The following CNTNAP5 variants were observed in gnomAD, a reference collection of about 807,000 sequenced individuals.
CNTNAP5 encodes the protein contactin-associated protein-like 5.
CNTNAP5 carries 72 observed loss-of-function variants against 150.2 expected under a neutral mutation model. That is an observed-to-expected ratio of 0.48 (90% CI 0.40 to 0.58). The LOEUF (loss-of-function observed/expected upper bound fraction) is 0.58, where lower values mean the gene tolerates loss of function less well. Ranked by LOEUF, CNTNAP5 falls within the 20% of genes least tolerant of loss-of-function variation. The pLI is 0.00. For missense variants in CNTNAP5, 1,636 were observed against 1,626.2 expected, an observed-to-expected ratio of 1.01 and a Z score of -0.10; for synonymous variants, 672 against 619.8, an observed-to-expected ratio of 1.08 and a Z score of -1.25.
chr2:124,057,633 G>A (rs1287771205), intron 1 of CNTNAP5, among the ~76,000 whole-genome samples: 1 of 151,466 alleles, frequency 6.6e-6, no homozygotes, highest in Non-Finnish European at 1.5e-5. Context: ...TTCTTACCCA[G>A]GTTGTGGAAA....
rs760130259 is a variant in CNTNAP5 at position 124,112,403 on chromosome 2, G to T, written c.82+86671G>T. On this transcript the variant is annotated intron_variant, in intron 1 of 23. Transcript: ENST00000682447. The stretch of plus-strand genomic sequence containing the variant: ...TTCTGGCCTCCTGCCTTGCTTGAAA[G>T]GTCCATGCTTGCTGAGCCAACTTGT... Among the ~76,000 whole-genome samples the T allele has an allele frequency of 3.3e-5, 5 of 152,118 alleles. No homozygotes were observed. The East Asian group carries it at 5.8e-4, about 18-fold the overall frequency.
Position 124,588,184 on chromosome 2 carries a change from CTTTCTTTCTTTCTTTCTTTCT to C in CNTNAP5, c.1757-21614_1757-21594del, listed in dbSNP as rs1573478162. Among the ~76,000 whole-genome samples, 149 of 115,184 alleles carry C rather than the reference CTTTCTTTCTTTCTTTCTTTCT, an allele frequency of 1.3e-3. 3 individuals are homozygous for C. In the East Asian group the frequency reaches 0.019, roughly 15 times the overall value. 75.6% of individuals were successfully genotyped at this position (115,184 alleles called of 152,430 possible). ...TCCTTCCTTCCTTCCTTCCTTCTTT[CTTTCTTTCTTTCTTTCTTTCT>C]TTCTTTCTTTCTTTCTTTCTTTCTT... On this transcript the variant is annotated intron_variant, in intron 11 of 23. Transcript: ENST00000682447.
intron 1 of CNTNAP5, among the ~76,000 whole-genome samples, chr2:124,140,616 A>G (rs1684099247): frequency 1.9e-5 from 2 of 106,018 alleles, no homozygotes; most frequent in Non-Finnish European, 4.1e-5. Flanking sequence ...CAGAAAGGAC[A>G]TCTACACCGA....
intron 1 of CNTNAP5, among the ~76,000 whole-genome samples, chr2:124,130,518 C>T (rs996809598): frequency 2.1e-4 from 32 of 152,106 alleles, no homozygotes; most frequent in African/African-American, 7.7e-4. Context: ...AGAAAATGAT[C>T]ATTCCTGAAA....
chr2:124,570,535 C>T (rs1696127550), intron 11 of CNTNAP5, among the ~76,000 whole-genome samples: 1 of 151,886 alleles, frequency 6.6e-6, no homozygotes, highest in Admixed American at 6.6e-5. Flanking sequence ...CTCTGCTGGC[C>T]AACTAAGAGC....
chr2:124,834,435 G>A (rs1682786128), intron 19 of CNTNAP5, among the ~76,000 whole-genome samples: 1 of 152,120 alleles, frequency 6.6e-6, no homozygotes, highest in South Asian at 2.1e-4. Flanking sequence ...GGGAGAAATG[G>A]CTAATTGTGC....
chr2:124,354,611 T>G (rs1174042998), intron 3 of CNTNAP5, among the ~76,000 whole-genome samples: 1 of 152,126 alleles, frequency 6.6e-6, no homozygotes, highest in Non-Finnish European at 1.5e-5. Flanking sequence ...TTGACGTGAG[T>G]CTCTATGAGT....
intron 1 of CNTNAP5, among the ~76,000 whole-genome samples, chr2:124,195,883 T>C (rs12473309): frequency 0.77 from 117,143 of 151,964 alleles, 45,464 homozygotes; most frequent in East Asian, 1. Flanking sequence ...AATTTGCTCC[T>C]AGTTTTTTAA....
At chr2:124,378,222 A>G (rs1035495018) in intron 3 of CNTNAP5, among the ~76,000 whole-genome samples, 3 of 152,100 alleles carry the variant, frequency 2.0e-5, no homozygotes, top group Admixed American at 2.0e-4. Context: ...AGACTGGAGA[A>G]AGTCTGAATT....
intron 13 of CNTNAP5, among the ~76,000 whole-genome samples, chr2:124,655,240 T>G (rs1425458287): frequency 6.6e-6 from 1 of 152,016 alleles, no homozygotes; most frequent in Non-Finnish European, 1.5e-5. Flanking sequence ...TGGGAACATG[T>G]GGTGTTTGGT....
At chr2:124,870,777 T>A (rs961738546) in intron 21 of CNTNAP5, among the ~76,000 whole-genome samples, 1 of 152,120 alleles carries the variant, frequency 6.6e-6, no homozygotes, top group Non-Finnish European at 1.5e-5. Context: ...TCGTGCCCCA[T>A]ACTGTATGCA....
chr2:124,091,175 G>A (rs145693419), intron 1 of CNTNAP5, among the ~76,000 whole-genome samples: 4 of 152,142 alleles, frequency 2.6e-5, no homozygotes, highest in African/African-American at 4.8e-5. Flanking sequence ...GACCTCACCT[G>A]GTAGGGTGAA....
At chr2:124,578,336 A>G (rs1173137317) in intron 11 of CNTNAP5, among the ~76,000 whole-genome samples, 1 of 151,426 alleles carries the variant, frequency 6.6e-6, no homozygotes, top group Non-Finnish European at 1.5e-5. Context: ...GTCTCAAAAA[A>G]AAAAAAAAAA....
intron 17 of CNTNAP5, 80 bp from the exon 18 acceptor site, chr2:124,789,822 C>T: frequency 7.5e-7 from 1 of 1,338,162 alleles, no homozygotes; most frequent in Non-Finnish European, 1.0e-6. Flanking sequence ...CTACTTAACT[C>T]TTACCCATGC....
chr2:124,851,952 TTGAGGCTGTAAA>T lies in CNTNAP5; in HGVS notation c.3218-13349_3218-13338del, dbSNP rs1297174044. On this transcript the variant is annotated intron_variant, in intron 19 of 23. Coordinates refer to ENST00000682447, the MANE Select transcript of CNTNAP5 (RefSeq NM_001367498.1). ...AAGAAGCAAGAATGGGCCAAGGGACTTGAGGCTGTAAATGAGAGGATAGTGATGGACCAGACA... is the reference window on the plus strand; with the variant it reads ...AAGAAGCAAGAATGGGCCAAGGGACTTGAGAGGATAGTGATGGACCAGACA... Among the ~76,000 whole-genome samples, 12 of 152,280 alleles carry T rather than the reference TTGAGGCTGTAAA, an allele frequency of 7.9e-5. No homozygotes were observed. In the South Asian group the frequency reaches 1.5e-3, roughly 18 times the overall value.
chr2:124,630,890 A>G (rs1441336477), intron 12 of CNTNAP5, among the ~76,000 whole-genome samples: 1 of 152,192 alleles, frequency 6.6e-6, no homozygotes, highest in African/African-American at 2.4e-5. Context: ...GGGACACAAA[A>G]TAAGTGTGCA....
intron 1 of CNTNAP5, among the ~76,000 whole-genome samples, chr2:124,133,218 T>C (rs138209777): frequency 8.4e-4 from 128 of 152,250 alleles, no homozygotes; most frequent in African/African-American, 3.1e-3. Flanking sequence ...AAATTCACAC[T>C]CAGATATTTC....
In CNTNAP5 at chr2:124,560,233, C is replaced by T. The variant is rs1404635815; in HGVS notation, c.1650-2984C>T. Among the ~76,000 whole-genome samples the T allele has an allele frequency of 3.9e-5, 6 of 152,240 alleles. No individual in the cohort carries two copies. The East Asian group carries it at 1.2e-3, about 29-fold the overall frequency. ...AAAAACATTTAAAGTGGGGCAGGTG[C>T]CATGTGGCTCATGCCTCTAATCCCA... On this transcript the variant is annotated intron_variant, in intron 10 of 23. Coordinates refer to ENST00000682447, the MANE Select transcript of CNTNAP5 (RefSeq NM_001367498.1).
chr2:124,855,407 A>C (rs1214821660), intron 19 of CNTNAP5, among the ~76,000 whole-genome samples: 1 of 152,088 alleles, frequency 6.6e-6, no homozygotes. Flanking sequence ...TCCTGACCTC[A>C]AGTGATCCGC....
Sources: gnomAD v4.1 joint callset for allele counts (sites outside exome capture counted in the v4.1 genomes callset) on GRCh38, gnomAD v4.1.1 for gene constraint, MANE v1.5 for transcripts, NCBI Gene and HGNC (gene_info 2026-07-23, HGNC 2026-07-21) for gene names.